Variants in CDS2 observed in about 807,000 individuals in gnomAD.
CDS2 encodes CDP-diacylglycerol synthase 2, also known as phosphatidate cytidylyltransferase 2.
In CDS2, 47 loss-of-function variants were observed where a neutral mutation model predicts 59.0. The ratio of observed to expected loss-of-function variants is 0.80; its 90% CI spans 0.63 to 1.02. The LOEUF is 1.02. Among genes scored for constraint, CDS2 ranks in the 50% least tolerant of loss-of-function variants. CDS2 has a pLI of 0.00. For synonymous variants in CDS2, 207 were observed against 206.4 expected (o/e 1.00, Z -0.02); for missense variants, 356 against 558.9 (o/e 0.64, Z 3.66).
intron 1 of CDS2, among the ~76,000 whole-genome samples, chr20:5,157,973 T>A (rs1420866363): frequency 6.6e-6 from 1 of 152,216 alleles, no homozygotes; most frequent in East Asian, 1.9e-4. Flanking sequence ...AGTTCAAGCT[T>A]GTCTGACCCA....
In CDS2 at chr20:5,172,312, C is replaced by T. The variant is rs150319276; in HGVS notation, c.58-1211C>T. The stretch of plus-strand genomic sequence containing the variant: ...AGCAAATCACTGGGGTGTCTAACCT[C>T]GCCTGAGGTGAAGGTGGGGGTTAGA... On this transcript the variant is annotated intron_variant, in intron 1 of 12. Coordinates refer to ENST00000460006, the MANE Select transcript of CDS2 (RefSeq NM_003818.4). Among the ~76,000 whole-genome samples, 162 of 152,214 alleles carry T rather than the reference C, an allele frequency of 1.1e-3. 1 individual carries two copies. Among genetic ancestry groups the T allele is most frequent in the African/African-American group, 3.5e-3 (146 of 41,526 alleles).
chr20:5,130,242 T>C (rs1475478564), intron 1 of CDS2, among the ~76,000 whole-genome samples: 8 of 151,888 alleles, frequency 5.3e-5, no homozygotes, highest in Admixed American at 6.6e-5. Flanking sequence ...CCCAAAGTGC[T>C]GGGATTACAG....
chr20:5,129,991 A>G (rs1445171456), intron 1 of CDS2, among the ~76,000 whole-genome samples: 1 of 151,374 alleles, frequency 6.6e-6, no homozygotes, highest in African/African-American at 2.4e-5. Flanking sequence ...TTTTTTTTTG[A>G]GACAGAGTTT....
chr20:5,189,229 C>CCGTCTT (rs1342907191), intron 11 of CDS2, 43 bp downstream of exon 11: 4 of 1,612,242 alleles, frequency 2.5e-6, no homozygotes, highest in East Asian at 4.5e-5. Context: ...ACTCCCTCAC[C>CCGTCTT]CATCTTCTGC....
At chr20:5,168,458 G>T (rs1026646576) in intron 1 of CDS2, among the ~76,000 whole-genome samples, 3 of 151,794 alleles carry the variant, frequency 2.0e-5, no homozygotes, top group African/African-American at 7.3e-5. Flanking sequence ...AAAAGAAATG[G>T]GGTATAGGGT....
chr20:5,178,079 T>C (rs2091007311), intron 4 of CDS2, among the ~76,000 whole-genome samples: 1 of 152,204 alleles, frequency 6.6e-6, no homozygotes, highest in Admixed American at 6.5e-5. Context: ...GATGGCTGCA[T>C]GGTGCCATAC....
chr20:5,139,665 A>G (rs1395912593), intron 1 of CDS2, among the ~76,000 whole-genome samples: 1 of 152,124 alleles, frequency 6.6e-6, no homozygotes, highest in African/African-American at 2.4e-5. Flanking sequence ...GCTTTTGCCT[A>G]TTCAGTATGA....
intron 1 of CDS2, among the ~76,000 whole-genome samples, chr20:5,134,242 G>C (rs2090630628): frequency 6.6e-6 from 1 of 152,192 alleles, no homozygotes; most frequent in African/African-American, 2.4e-5. Flanking sequence ...TGGAAGAAAT[G>C]CTTTCCAGTT....
At chr20:5,157,572 C>T (rs939078660) in intron 1 of CDS2, among the ~76,000 whole-genome samples, 1 of 152,144 alleles carries the variant, frequency 6.6e-6, no homozygotes, top group African/African-American at 2.4e-5. Flanking sequence ...TTATAAACAA[C>T]AGAAGTTTAT....
chr20:5,186,926 A>G (rs2091073712), intron 10 of CDS2, 87 bp downstream of exon 10: 1 of 1,485,792 alleles, frequency 6.7e-7, no homozygotes, highest in Non-Finnish European at 9.3e-7. Flanking sequence ...CTCTGAAAAA[A>G]GCTAGCTTCC....
chr20:5,187,992 A>C (rs1203859031), intron 10 of CDS2: 1 of 152,104 alleles, frequency 6.6e-6, no homozygotes, highest in Non-Finnish European at 1.5e-5. Context: ...GCCACTGTGA[A>C]CTTGACAGCT....
intron 12 of CDS2, 27 bp from the exon 13 acceptor site, chr20:5,190,075 G>C (rs1447636914): frequency 1.9e-6 from 3 of 1,612,042 alleles, no homozygotes; most frequent in Non-Finnish European, 2.5e-6. Context: ...CCCTAGCTCA[G>C]TGCTGTTTCT....
chr20:5,144,472 C>T (rs1451434894), intron 1 of CDS2, among the ~76,000 whole-genome samples: 1 of 152,072 alleles, frequency 6.6e-6, no homozygotes, highest in Admixed American at 6.5e-5. Flanking sequence ...CTGTGGAGCT[C>T]CCTGAACTCG....
intron 1 of CDS2, among the ~76,000 whole-genome samples, chr20:5,162,564 G>A (rs6038077): frequency 0.42 from 63,550 of 151,882 alleles, 13,801 homozygotes; most frequent in South Asian, 0.55. Flanking sequence ...GAACTTTCTC[G>A]TGGAGATGTC....
intron 1 of CDS2, among the ~76,000 whole-genome samples, chr20:5,149,215 T>C (rs771459239): frequency 1.3e-5 from 2 of 152,128 alleles, no homozygotes; most frequent in Admixed American, 6.5e-5. Flanking sequence ...GTGAGAAAAA[T>C]TGTTTCTCGT....
intron 8 of CDS2, among the ~76,000 whole-genome samples, chr20:5,185,281 G>A (rs1293694349): frequency 6.6e-6 from 1 of 152,036 alleles, no homozygotes; most frequent in Non-Finnish European, 1.5e-5. Context: ...AATTAGCCAG[G>A]CATGGTGGTA....
chr20:5,195,283 C>G lies in CDS2; in HGVS notation c.*5049C>G, dbSNP rs559491828. The G allele has an allele frequency of 1.0e-4, 16 of 152,640 alleles. No individual in the cohort carries two copies. The East Asian group carries it at 2.7e-3, about 26-fold the overall frequency. 9.5% of individuals were successfully genotyped at this position (152,640 alleles called of 1,614,324 possible). A position where few individuals can be genotyped will look rare whatever the true frequency, so the allele number is the denominator to read the frequency against. ...AGAGATGGGATTGTCAGCCACCACA[C>G]TGCCACCACCCTGCACACAGTCTGG... On this transcript the variant is annotated 3_prime_UTR_variant, in exon 13 of 13. Coordinates refer to ENST00000460006, the MANE Select transcript of CDS2 (RefSeq NM_003818.4).
chr20:5,141,947 ACTACT>A (rs1315046607), intron 1 of CDS2, among the ~76,000 whole-genome samples: 1 of 152,226 alleles, frequency 6.6e-6, no homozygotes, highest in East Asian at 1.9e-4. Flanking sequence ...ACTTTCACAC[ACTACT>A]CTCTCTGATT....
chr20:5,183,161 G>T lies in CDS2; in HGVS notation c.671+18G>T. The T allele has an allele frequency of 6.2e-7, 1 of 1,605,700 alleles. No individual in the cohort carries two copies. Among genetic ancestry groups the T allele is most frequent in the Non-Finnish European group, 8.5e-7 (1 of 1,172,514 alleles). On this transcript the variant is annotated intron_variant, in intron 7 of 12. Coordinates refer to ENST00000460006, the MANE Select transcript of CDS2 (RefSeq NM_003818.4). The stretch of plus-strand genomic sequence containing the variant: ...ATGATCTGGTGAGAATTGGGAGTTG[G>T]ATTTTCCCTTTTATTTTGTGAGTGT...
Sources: gnomAD v4.1 joint callset for allele counts (sites outside exome capture counted in the v4.1 genomes callset) on GRCh38, gnomAD v4.1.1 for gene constraint, MANE v1.5 for transcripts, NCBI Gene and HGNC (gene_info 2026-07-23, HGNC 2026-07-21) for gene names.